Variants in GIGYF2 observed in about 807,000 individuals in gnomAD.
GIGYF2 encodes the protein GRB10-interacting GYF protein 2.
Under a neutral mutation model 208.1 loss-of-function variants are expected in GIGYF2, and 25 were observed. The ratio of observed to expected loss-of-function variants is 0.12; its 90% CI spans 0.09 to 0.17. GIGYF2 has a LOEUF of 0.17. GIGYF2 is among the 10% of genes least tolerant of loss of function. GIGYF2 has a pLI of 1.00. For synonymous variants in GIGYF2, 534 were observed against 543.8 expected (o/e 0.98, Z 0.25); for missense variants, 1,302 against 1,579.4 (o/e 0.82, Z 2.98).
intron 3 of GIGYF2, among the ~76,000 whole-genome samples, chr2:232,737,417 T>C (rs868523647): frequency 5.9e-5 from 9 of 152,084 alleles, no homozygotes; most frequent in African/African-American, 1.9e-4. Flanking sequence ...TTGCAGACAT[T>C]AGAGCTTAGG....
chr2:232,801,138 C>G (rs1387589470), intron 14 of GIGYF2, among the ~76,000 whole-genome samples: 1 of 152,174 alleles, frequency 6.6e-6, no homozygotes, highest in Non-Finnish European at 1.5e-5. Context: ...AAGTGGTACT[C>G]CCTGTCTTTC....
chr2:232,707,891 G>T (rs1696200614), intron 2 of GIGYF2, among the ~76,000 whole-genome samples: 1 of 152,022 alleles, frequency 6.6e-6, no homozygotes, highest in Non-Finnish European at 1.5e-5. Flanking sequence ...ACCTGTCTTG[G>T]CCTCCCAAAG....
intron 3 of GIGYF2, among the ~76,000 whole-genome samples, chr2:232,743,104 T>TG (rs1341815318): frequency 6.6e-6 from 1 of 152,136 alleles, no homozygotes; most frequent in African/African-American, 2.4e-5. Flanking sequence ...CATGGGGCTT[T>TG]GGGGGGCCTG....
chr2:232,709,386 T>G (rs942614815), intron 2 of GIGYF2, among the ~76,000 whole-genome samples: 1 of 152,216 alleles, frequency 6.6e-6, no homozygotes, highest in Non-Finnish European at 1.5e-5. Flanking sequence ...TGCTCTGTCA[T>G]GCAGGCAGCT....
chr2:232,760,597 TG>T lies in GIGYF2; in HGVS notation c.491+8del. 1 of 1,559,686 alleles carries T rather than the reference TG, an allele frequency of 6.4e-7. No homozygotes were observed. Among genetic ancestry groups the T allele is most frequent in the Non-Finnish European group, 8.8e-7 (1 of 1,130,530 alleles). On this transcript the variant is annotated splice_region_variant and intron_variant, in intron 7 of 28. Coordinates refer to ENST00000373563, the MANE Select transcript of GIGYF2 (RefSeq NM_001103146.3). ...TCGCAGAGCTGGGAGGAAAGGTAAC[TG>T]GATCCACATATTGGCATAAAAATTT...
chr2:232,783,926 G>C (rs1699809361), intron 8 of GIGYF2, among the ~76,000 whole-genome samples: 1 of 152,188 alleles, frequency 6.6e-6, no homozygotes, highest in African/African-American at 2.4e-5. Flanking sequence ...GACCTCAGGT[G>C]ATCCGCCCGC....
chr2:232,751,813 C>T (rs1698344489), intron 5 of GIGYF2, among the ~76,000 whole-genome samples: 2 of 152,082 alleles, frequency 1.3e-5, no homozygotes, highest in Admixed American at 6.6e-5. Context: ...GTACACAAAT[C>T]GTTTGGAAAA....
chr2:232,818,774 A>G (rs559518933), intron 20 of GIGYF2, among the ~76,000 whole-genome samples: 232 of 152,180 alleles, frequency 1.5e-3, no homozygotes, highest in Non-Finnish European at 1.8e-3. Flanking sequence ...AAAAATCTAC[A>G]TCATCATATT....
chr2:232,744,577 T>C (rs938153015), intron 3 of GIGYF2, among the ~76,000 whole-genome samples: 7 of 151,764 alleles, frequency 4.6e-5, no homozygotes, highest in African/African-American at 1.7e-4. Context: ...TCTTGCTTTG[T>C]CACCTAGGCT....
At chr2:232,724,214 T>TA (rs1424304288) in intron 2 of GIGYF2, among the ~76,000 whole-genome samples, 1 of 89,582 alleles carries the variant, frequency 1.1e-5, no homozygotes, top group East Asian at 2.5e-4. Context: ...GCTATTTTTT[T>TA]TTTTTTTTTT....
At chr2:232,697,617 AG>A (rs1444981503) in intron 1 of GIGYF2, among the ~76,000 whole-genome samples, 1 of 152,050 alleles carries the variant, frequency 6.6e-6, no homozygotes, top group Non-Finnish European at 1.5e-5. Flanking sequence ...CTCCTGGGCG[AG>A]GGGCGCTGAG....
In GIGYF2 at chr2:232,832,764, A is replaced by G. The variant is rs974610010; in HGVS notation, c.2530-93A>G. ...AGTTTCTGCTTTCTCTGTCATCTCT[A>G]TAGCCATTTGACAGAAGCTTTCAAA... is the stretch of plus-strand genomic sequence containing the variant. On this transcript the variant is annotated intron_variant, in intron 21 of 28. Coordinates refer to ENST00000373563, the MANE Select transcript of GIGYF2 (RefSeq NM_001103146.3). 29 of 875,116 alleles carry G rather than the reference A, an allele frequency of 3.3e-5. No individual in the cohort carries two copies. In the East Asian group the frequency reaches 7.6e-4, roughly 23 times the overall value. 54.2% of individuals were successfully genotyped at this position (875,116 alleles called of 1,614,324 possible). A position where few individuals can be genotyped will look rare whatever the true frequency, so the allele number is the denominator to read the frequency against.
intron 1 of GIGYF2, among the ~76,000 whole-genome samples, chr2:232,702,440 A>G (rs1695894322): frequency 6.6e-6 from 1 of 151,742 alleles, no homozygotes; most frequent in South Asian, 2.1e-4. Context: ...CTCTGTCTCC[A>G]AAAAAAGAAA....
intron 28 of GIGYF2, among the ~76,000 whole-genome samples, chr2:232,855,839 T>C (rs753370595): frequency 6.6e-6 from 1 of 152,120 alleles, no homozygotes; most frequent in Non-Finnish European, 1.5e-5. Context: ...GCATGAACTT[T>C]CCTCCAGGGC....
At chr2:232,739,322 C>T (rs564030256) in intron 3 of GIGYF2, among the ~76,000 whole-genome samples, 35 of 145,758 alleles carry the variant, frequency 2.4e-4, no homozygotes, top group Middle Eastern at 7.8e-3. Flanking sequence ...TGTGCCATTG[C>T]GCTCCAGTCT....
chr2:232,807,421 G>A (rs530460935), intron 15 of GIGYF2, among the ~76,000 whole-genome samples: 3 of 152,294 alleles, frequency 2.0e-5, no homozygotes, highest in East Asian at 3.9e-4. Flanking sequence ...GCAATCAGTG[G>A]CAGAGATGGG....
intron 3 of GIGYF2, chr2:232,735,834 C>T: frequency 1.0e-6 from 1 of 985,228 alleles, no homozygotes; most frequent in Non-Finnish European, 1.2e-6. Context: ...TGGCTTCCCC[C>T]CCTCCCCTCC....
intron 9 of GIGYF2, among the ~76,000 whole-genome samples, chr2:232,789,813 G>T (rs1250658308): frequency 6.6e-6 from 1 of 152,042 alleles, no homozygotes; most frequent in Non-Finnish European, 1.5e-5. Context: ...AGGTCTGTCA[G>T]ATTTTAGCAA....
intron 27 of GIGYF2, among the ~76,000 whole-genome samples, chr2:232,848,237 G>A (rs925938662): frequency 6.6e-6 from 1 of 152,012 alleles, no homozygotes; most frequent in Admixed American, 6.6e-5. Flanking sequence ...ACTACTATTC[G>A]TGCCCAAATG....
Sources: gnomAD v4.1 joint callset for allele counts (sites outside exome capture counted in the v4.1 genomes callset) on GRCh38, gnomAD v4.1.1 for gene constraint, MANE v1.5 for transcripts, NCBI Gene and HGNC (gene_info 2026-07-23, HGNC 2026-07-21) for gene names.